Variants in GBF1 observed in about 807,000 individuals in gnomAD.
The protein encoded by GBF1 is golgi brefeldin A resistant guanine nucleotide exchange factor 1, also known as Golgi-specific brefeldin A-resistance guanine nucleotide exchange factor 1.
In GBF1, 114 loss-of-function variants were observed where a neutral mutation model predicts 210.5. The ratio of observed to expected loss-of-function variants is 0.54; its 90% CI spans 0.47 to 0.63. GBF1 has a LOEUF of 0.63. GBF1 is among the 30% of genes least tolerant of loss of function. GBF1 has a pLI of 0.00. For missense variants in GBF1, 1,851 were observed against 2,357.7 expected, an observed-to-expected ratio of 0.79 and a Z score of 4.45; for synonymous variants, 850 against 889.2, an observed-to-expected ratio of 0.96 and a Z score of 0.78.
At chr10:102,280,811 G>A (rs2075412176) in intron 3 of GBF1, among the ~76,000 whole-genome samples, 1 of 152,194 alleles carries the variant, frequency 6.6e-6, no homozygotes, top group African/African-American at 2.4e-5. Context: ...TGGCAGGAGT[G>A]CAGCTGGAAG....
chr10:102,362,753 C>T, intron 15 of GBF1, 89 bp downstream of exon 15: 1 of 967,462 alleles, frequency 1.0e-6, no homozygotes, highest in Non-Finnish European at 1.6e-6. Flanking sequence ...CCCCATATCA[C>T]TTCCCCTGGG....
chr10:102,235,766 G>C, the GBF1 span, among the ~76,000 whole-genome samples: 1 of 152,176 alleles, frequency 6.6e-6, no homozygotes, highest in Non-Finnish European at 1.5e-5. Context: ...CCCAGACTCT[G>C]TATCCTCCAG....
intron 3 of GBF1, among the ~76,000 whole-genome samples, chr10:102,260,476 CTTT>C (rs60452124): frequency 2.8e-5 from 2 of 72,430 alleles, no homozygotes; most frequent in Non-Finnish European, 2.4e-5. Context: ...TTCCTTTCTT[CTTT>C]TTTTTTTTTT....
intron 1 of GBF1, among the ~76,000 whole-genome samples, chr10:102,255,536 C>T (rs2072225517): frequency 6.6e-6 from 1 of 152,154 alleles, no homozygotes; most frequent in South Asian, 2.1e-4. Context: ...GTTAGTCTTC[C>T]TTTCACTCCT....
At chr10:102,318,830 G>A (rs77041839) in intron 3 of GBF1, among the ~76,000 whole-genome samples, 6,192 of 152,176 alleles carry the variant, frequency 0.041, 184 homozygotes, top group Non-Finnish European at 0.06. Context: ...TGTAGATATA[G>A]CACATTTGCA....
chr10:102,293,764 G>GTTTTATT (rs1263151407), intron 3 of GBF1, among the ~76,000 whole-genome samples: 1 of 50,888 alleles, frequency 2.0e-5, no homozygotes, highest in African/African-American at 5.7e-5. Flanking sequence ...GCTGTAGTAT[G>GTTTTATT]TTTTGTGTTT....
At chr10:102,243,085 T>C (rs1015425926), upstream of GBF1, among the ~76,000 whole-genome samples, 7 of 152,138 alleles carry the variant, frequency 4.6e-5, no homozygotes, top group African/African-American at 1.7e-4. Context: ...GACCTGACCT[T>C]GTCTTCATCT....
the GBF1 span, among the ~76,000 whole-genome samples, chr10:102,239,847 CTG>C: frequency 6.6e-6 from 1 of 152,186 alleles, no homozygotes; most frequent in African/African-American, 2.4e-5. Flanking sequence ...AGAGTCAGGG[CTG>C]TATCCCAGCT....
intron 29 of GBF1, among the ~76,000 whole-genome samples, chr10:102,373,519 G>A (rs1434101006): frequency 6.6e-6 from 1 of 152,230 alleles, no homozygotes; most frequent in Non-Finnish European, 1.5e-5. Context: ...GCAGTGAGCT[G>A]AGATCGTGCC....
rs757022453 is a variant in GBF1 at position 102,376,520 on chromosome 10, G to A, written c.4048-40G>A. The stretch of plus-strand genomic sequence containing the variant: ...TCCTCTGCAAGGACATTCACACAGG[G>A]GCCAAGCCTGTGTCCCCAGCTCCTC... On this transcript the variant is annotated intron_variant, in intron 31 of 39. Transcript: ENST00000369983. 3 of 1,612,628 alleles carry A rather than the reference G, an allele frequency of 1.9e-6. No individual in the cohort carries two copies. In the East Asian group the frequency reaches 6.7e-5, roughly 36 times the overall value.
Position 102,369,989 on chromosome 10 carries a change from C to T in GBF1, c.3339+5C>T, listed in dbSNP as rs867703614. 1.9e-6 allele frequency: 3 copies of T among 1,613,958 alleles called. No individual in the cohort carries two copies. The highest frequency in any genetic ancestry group is 2.5e-6 in the Non-Finnish European group (3 of 1,179,952). ...GTGGCCTTAGAGTGTATAAAGGTAACTGCCCATCCACCCCTGGTGAGAAAG... is the reference window on the plus strand; with the variant it reads ...GTGGCCTTAGAGTGTATAAAGGTAATTGCCCATCCACCCCTGGTGAGAAAG... On this transcript the variant is annotated splice_donor_5th_base_variant and intron_variant, in intron 26 of 39. Transcript: ENST00000369983.
chr10:102,301,002 T>C (rs2077296108), intron 3 of GBF1, among the ~76,000 whole-genome samples: 2 of 148,606 alleles, frequency 1.3e-5, no homozygotes, highest in African/African-American at 5.0e-5. Context: ...TAAGTATTTA[T>C]TGATCATTCT....
Position 102,382,409 on chromosome 10 carries a change from G to A in GBF1, c.*73G>A, listed in dbSNP as rs766573591. ...TTGACCCCACTTCTGGCTGTCCTGC[G>A]GGCCACAAGCTCTTCAGGCCAAGTC... On this transcript the variant is annotated 3_prime_UTR_variant, in exon 40 of 40. Coordinates refer to ENST00000369983, the MANE Select transcript of GBF1 (RefSeq NM_001377137.1). The A allele has an allele frequency of 5.6e-5, 77 of 1,366,748 alleles. No homozygotes were observed. Among genetic ancestry groups the A allele is most frequent in the Non-Finnish European group, 7.4e-5 (74 of 997,546 alleles). The allele number at this position is 1,366,748 out of a possible 1,614,324, so 84.7% of individuals were successfully genotyped here.
rs1042263894 is a variant in GBF1 at position 102,376,535 on chromosome 10, C to T, written c.4048-25C>T. On this transcript the variant is annotated intron_variant, in intron 31 of 39. Coordinates refer to ENST00000369983, the MANE Select transcript of GBF1 (RefSeq NM_001377137.1). Reference sequence around the variant, plus strand: ...TTCACACAGGGGCCAAGCCTGTGTCCCCAGCTCCTCTGTGTACTTTACAGG... The same window carrying T: ...TTCACACAGGGGCCAAGCCTGTGTCTCCAGCTCCTCTGTGTACTTTACAGG... 10 of 1,613,276 alleles carry T rather than the reference C, an allele frequency of 6.2e-6. No individual in the cohort carries two copies. The African/African-American group carries it at 1.2e-4, about 19-fold the overall frequency.
Position 102,366,562 on chromosome 10 carries a change from C to T in GBF1, c.2433+56C>T, listed in dbSNP as rs2059921346. Reference sequence around the variant, plus strand: ...GATCCAAGGTCAGTTTGACTGAGGGCTGAAGAATCCAGCTGCTGTCTCTTT... The same window carrying T: ...GATCCAAGGTCAGTTTGACTGAGGGTTGAAGAATCCAGCTGCTGTCTCTTT... On this transcript the variant is annotated intron_variant, in intron 19 of 39. Transcript: ENST00000369983. This position sits in a 1 kb window ranked among gnomAD's most constrained non-coding sequence, Gnocchi z 4.0. 6.0e-6 allele frequency: 8 copies of T among 1,331,022 alleles called. No individual in the cohort carries two copies. Among genetic ancestry groups the T allele is most frequent in the Non-Finnish European group, 7.4e-6 (7 of 948,000 alleles). The allele number at this position is 1,331,022 out of a possible 1,614,324, so 82.5% of individuals were successfully genotyped here.
chr10:102,369,319 T>A lies in GBF1; in HGVS notation c.3082T>A (p.Trp1028Arg), dbSNP rs1412891567. ...TCATGGTGACATCCTGCGGGAGGGC[T>A]GGAAGAATATCATGGAGGCCATGCT... ...HRHGDILREG[W>R]KNIMEAMLQL... The change falls in exon 24 of 40, where the codon TGG becomes AGG. Residue 1028 changes from tryptophan to arginine, a missense_variant. Physicochemically the swap from Trp to Arg is moderately radical, Grantham distance 101 (BLOSUM62 -3). Coordinates refer to ENST00000369983, the MANE Select transcript of GBF1 (RefSeq NM_001377137.1). 2 of 1,613,746 alleles carry A rather than the reference T, an allele frequency of 1.2e-6. No homozygotes were observed. The highest frequency in any genetic ancestry group is 1.7e-6 in the Non-Finnish European group (2 of 1,179,720).
intron 4 of GBF1, among the ~76,000 whole-genome samples, chr10:102,346,216 T>C (rs2058561542): frequency 6.6e-6 from 1 of 152,010 alleles, no homozygotes; most frequent in Admixed American, 6.6e-5. Context: ...CTCCTGACCT[T>C]GTGATCCACC....
chr10:102,362,048 TTC>T, intron 14 of GBF1, 136 bp downstream of exon 14: 33 of 390,826 alleles, frequency 8.4e-5, no homozygotes, highest in Middle Eastern at 6.5e-4. Context: ...TTCTTTTCTT[TTC>T]TTTTTTTTTT....
At chr10:102,300,412 A>C (rs1033471222) in intron 3 of GBF1, among the ~76,000 whole-genome samples, 1 of 152,198 alleles carries the variant, frequency 6.6e-6, no homozygotes, top group Admixed American at 6.5e-5. Flanking sequence ...AAAAAAGTTA[A>C]GGTCGCAGTG....
Sources: gnomAD v4.1 joint callset for allele counts (sites outside exome capture counted in the v4.1 genomes callset) on GRCh38, gnomAD v4.1.1 for gene constraint, Gnocchi (gnomAD v3.1) non-coding constraint, MANE v1.5 for transcripts, NCBI Gene and HGNC (gene_info 2026-07-23, HGNC 2026-07-21) for gene names.